Variants in DENND4C observed in about 807,000 individuals in gnomAD.
DENND4C encodes DENN domain containing 4C.
DENND4C carries 108 observed loss-of-function variants against 203.0 expected under a neutral mutation model. The ratio of observed to expected loss-of-function variants is 0.53; its 90% CI spans 0.46 to 0.62. The LOEUF (loss-of-function observed/expected upper bound fraction) is 0.62, where lower values mean the gene tolerates loss of function less well. DENND4C is among the 20% of genes least tolerant of loss of function. DENND4C has a pLI of 0.00. For synonymous variants in DENND4C, 871 were observed against 792.4 expected (o/e 1.10, Z -1.67); for missense variants, 2,481 against 2,301.2 (o/e 1.08, Z -1.60).
chr9:19,276,027 T>C (rs1220255950), intron 1 of DENND4C, 131 bp from the exon 2 acceptor site: 1 of 455,676 alleles, frequency 2.2e-6, no homozygotes, highest in African/African-American at 2.0e-5. Flanking sequence ...AGGCTTCTTC[T>C]CAGAATGGCA....
chr9:19,256,558 G>T (rs1243542722), intron 1 of DENND4C, among the ~76,000 whole-genome samples: 1 of 151,566 alleles, frequency 6.6e-6, no homozygotes, highest in Non-Finnish European at 1.5e-5. Flanking sequence ...CAGGTGATCT[G>T]CCCGCCTCAG....
chr9:19,249,151 G>A (rs1825956893), intron 1 of DENND4C, among the ~76,000 whole-genome samples: 2 of 151,912 alleles, frequency 1.3e-5, no homozygotes, highest in Non-Finnish European at 1.5e-5. Flanking sequence ...CGTAATATAA[G>A]CTCCATAAAG....
chr9:19,259,591 G>A (rs548900277), intron 1 of DENND4C, among the ~76,000 whole-genome samples: 1 of 146,944 alleles, frequency 6.8e-6, no homozygotes, highest in Non-Finnish European at 1.5e-5. Flanking sequence ...TGCAGCCTCC[G>A]CCTCCCAGGT....
At chr9:19,316,368 AAGC>A in intron 10 of DENND4C, 46 bp from the exon 11 acceptor site, 1 of 1,493,954 alleles carries the variant, frequency 6.7e-7, no homozygotes. Flanking sequence ...TGTCTAGTAA[AAGC>A]AGATTATGAA....
intron 2 of DENND4C, among the ~76,000 whole-genome samples, chr9:19,278,096 C>CTTGG (rs1649784629): frequency 8.8e-6 from 1 of 114,072 alleles, no homozygotes; most frequent in African/African-American, 3.3e-5. Flanking sequence ...TTTTTGAACA[C>CTTGG]TTGGTTGCTG....
chr9:19,356,548 A>G (rs1825435634), intron 26 of DENND4C, among the ~76,000 whole-genome samples: 1 of 152,168 alleles, frequency 6.6e-6, no homozygotes, highest in South Asian at 2.1e-4. Flanking sequence ...TATAAGTGAT[A>G]AAAGACATTA....
chr9:19,328,649 GTCTGTCTGTCTATCTATCTATCTA>G (rs1280389893), intron 16 of DENND4C, among the ~76,000 whole-genome samples: 10 of 139,986 alleles, frequency 7.1e-5, no homozygotes, highest in South Asian at 2.2e-4. Context: ...CTGTCTGTCT[GTCTGTCTGTCTATCTATCTATCTA>G]TCTATCTATC....
At chr9:19,339,520 C>T (rs922712968) in intron 20 of DENND4C, among the ~76,000 whole-genome samples, 3 of 152,134 alleles carry the variant, frequency 2.0e-5, no homozygotes, top group Non-Finnish European at 4.4e-5. Context: ...TTGACTCCTT[C>T]TCAGGTTGTC....
At chr9:19,293,633 G>A (rs1388297557) in intron 5 of DENND4C, among the ~76,000 whole-genome samples, 5 of 152,154 alleles carry the variant, frequency 3.3e-5, no homozygotes, top group Admixed American at 3.3e-4. Context: ...GTGTTTTAAG[G>A]AATGGGCAGA....
chr9:19,277,974 C>G (rs1380628445), intron 2 of DENND4C, among the ~76,000 whole-genome samples: 4 of 151,098 alleles, frequency 2.6e-5, no homozygotes, highest in Non-Finnish European at 5.9e-5. Context: ...TTTGTTGAAT[C>G]TTTCTTTTAA....
intron 1 of DENND4C, among the ~76,000 whole-genome samples, chr9:19,245,161 C>G (rs1824837781): frequency 6.6e-6 from 1 of 152,054 alleles, no homozygotes; most frequent in African/African-American, 2.4e-5. Flanking sequence ...TTTTATTGGT[C>G]TGATTTTTTT....
chr9:19,350,469 C>T (rs1201174713), intron 23 of DENND4C, among the ~76,000 whole-genome samples: 4 of 152,076 alleles, frequency 2.6e-5, no homozygotes, highest in African/African-American at 9.7e-5. Flanking sequence ...CCAGACCTCC[C>T]ACATACACCT....
rs371810232 is a variant in DENND4C, at chr9:19,328,075, G to A, written c.2166G>A (p.Pro722=). The A allele has an allele frequency of 3.3e-5, 54 of 1,612,542 alleles. No homozygotes were observed. The highest frequency in any genetic ancestry group is 3.3e-4 in the African/African-American group (25 of 74,690). ...TGGACCTTAAGCTTTTTGACAGACC[G>A]CAGGAGTTGAAACTTTGTTTTAGTA... ...PRLDLKLFDR[P]QELKLCFSRH... Residue 722 remains proline (P), a synonymous_variant, in exon 16 of 33, where the codon CCG becomes CCA. Transcript: ENST00000434457.
chr9:19,366,611 AATAGTCTT>A (rs1482424722), intron 30 of DENND4C, among the ~76,000 whole-genome samples: 1 of 152,178 alleles, frequency 6.6e-6, no homozygotes, highest in Non-Finnish European at 1.5e-5. Flanking sequence ...CAAAAAAAAG[AATAGTCTT>A]TTCAACACGT....
chr9:19,355,851 T>C (rs1825274375), intron 26 of DENND4C, among the ~76,000 whole-genome samples: 1 of 152,210 alleles, frequency 6.6e-6, no homozygotes, highest in Non-Finnish European at 1.5e-5. Flanking sequence ...ATTATTATTA[T>C]CTTATCTGTG....
rs1752477331 is a variant in DENND4C, at chr9:19,340,972, G to A, written c.2882-20G>A. On this transcript the variant is annotated intron_variant, in intron 20 of 32. Transcript: ENST00000434457. ...AGTATATGAAAACATTTATATGTAA[G>A]TCTGCATTCTTTTTAACAGGTGGTC... 1.3e-6 allele frequency: 2 copies of A among 1,572,906 alleles called. No individual in the cohort carries two copies. Among genetic ancestry groups the A allele is most frequent in the South Asian group, 1.2e-5 (1 of 82,820 alleles).
intron 1 of DENND4C, among the ~76,000 whole-genome samples, chr9:19,255,705 A>G (rs1827756024): frequency 6.6e-6 from 1 of 152,222 alleles, no homozygotes; most frequent in Non-Finnish European, 1.5e-5. Context: ...CTTTAATAAC[A>G]GTTTCAAAAT....
rs142722078 is a variant in DENND4C at position 19,274,058 on chromosome 9, G to A, written c.-17-2100G>A. On this transcript the variant is annotated intron_variant, in intron 1 of 32. Coordinates refer to ENST00000434457, the MANE Select transcript of DENND4C (RefSeq NM_001330640.2). ...AACATTGTGGTATATTCATTCAGTAGAATACCACTCAGTAATAAAAGGGAA... is the reference window on the plus strand; with the variant it reads ...AACATTGTGGTATATTCATTCAGTAAAATACCACTCAGTAATAAAAGGGAA... 8.4e-4 allele frequency among the ~76,000 whole-genome samples: 127 copies of A among 152,044 alleles called. 2 individuals carry two copies. Among genetic ancestry groups the A allele is most frequent in the African/African-American group, 2.8e-3 (117 of 41,370 alleles).
At position 19,342,696 on chromosome 9, in the gene DENND4C, C is replaced by T; in HGVS notation, c.3068C>T (p.Pro1023Leu). Residue 1023 changes from proline (P) to leucine (L), a missense_variant, in exon 22 of 33, where the codon CCT becomes CTT. Coordinates refer to ENST00000434457, the MANE Select transcript of DENND4C (RefSeq NM_001330640.2). ...CAACCTAGTCCAGAGCCTCACAGTCCTACTGAACCTCCTGCATGGGGCAGC... is the reference window on the plus strand; with the variant it reads ...CAACCTAGTCCAGAGCCTCACAGTCTTACTGAACCTCCTGCATGGGGCAGC... Reference protein sequence around the residue: ...HSQPSPEPHSPTEPPAWGSSI... With the variant: ...HSQPSPEPHSLTEPPAWGSSI... 6.2e-7 allele frequency: 1 copy of T among 1,613,544 alleles called. No individual in the cohort carries two copies. The highest frequency in any genetic ancestry group is 8.5e-7 in the Non-Finnish European group (1 of 1,179,736).
Sources: gnomAD v4.1 joint callset for allele counts (sites outside exome capture counted in the v4.1 genomes callset) on GRCh38, gnomAD v4.1.1 for gene constraint, MANE v1.5 for transcripts, NCBI Gene and HGNC (gene_info 2026-07-23, HGNC 2026-07-21) for gene names.